DIAPH2: variants seen among roughly 807,000 people sequenced by gnomAD.
DIAPH2 encodes the protein diaphanous related formin 2, also known as protein diaphanous homolog 2.
DIAPH2 carries 35 observed loss-of-function variants against 92.7 expected under a neutral mutation model. The observed-to-expected ratio is 0.38, with a 90% CI of 0.29 to 0.50. The LOEUF (loss-of-function observed/expected upper bound fraction) is 0.50. Among genes scored for constraint, DIAPH2 ranks in the 20% least tolerant of loss-of-function variants. The pLI, the probability that DIAPH2 is intolerant of heterozygous loss-of-function variation, is 0.94. For synonymous variants in DIAPH2, 301 were observed against 280.4 expected (o/e 1.07, Z -0.73); for missense variants, 701 against 819.5 (o/e 0.86, Z 1.77).
intron 5 of DIAPH2, chrX:96,884,911 A>G: frequency 8.3e-7 from 1 of 1,211,354 alleles, no homozygotes; most frequent in Non-Finnish European, 1.1e-6. Flanking sequence ...CCGCAATTTC[A>G]TCCAGGACGA....
chrX:96,804,535 G>T (rs758917059), intron 4 of DIAPH2, among the ~76,000 whole-genome samples: 1 of 111,311 alleles, frequency 9.0e-6, no homozygotes, highest in Non-Finnish European at 1.9e-5. Context: ...TTTATATAAC[G>T]CTTATTAGGA....
intron 26 of DIAPH2, among the ~76,000 whole-genome samples, chrX:97,571,286 A>G (rs1466543614): frequency 1.8e-5 from 2 of 111,964 alleles, no homozygotes; most frequent in Non-Finnish European, 3.8e-5. Flanking sequence ...AATTGCACAC[A>G]TTAACCTAAA....
intron 3 of DIAPH2, among the ~76,000 whole-genome samples, chrX:96,754,414 C>A (rs901474935): frequency 8.9e-6 from 1 of 111,991 alleles, no homozygotes. Flanking sequence ...CCAGATTAGA[C>A]AGCCTAGCAT....
At chrX:97,125,471 C>CAAAAAAAAAAAAAAAAA (rs1159049051) in intron 21 of DIAPH2, among the ~76,000 whole-genome samples, 3 of 19,204 alleles carry the variant, frequency 1.6e-4, no homozygotes, top group Non-Finnish European at 2.0e-4. Flanking sequence ...GACTCCGTCT[C>CAAAAAAAAAAAAAAAAA]AAAAAAAAAA....
chrX:97,530,965 C>T (rs1488670736), intron 26 of DIAPH2, among the ~76,000 whole-genome samples: 1 of 110,757 alleles, frequency 9.0e-6, no homozygotes, highest in East Asian at 2.8e-4. Context: ...ATAGGTAGAT[C>T]GTTGGTGAGT....
At chrX:97,325,734 C>T (rs1019908635) in intron 23 of DIAPH2, among the ~76,000 whole-genome samples, 2 of 110,530 alleles carry the variant, frequency 1.8e-5, no homozygotes, top group South Asian at 3.8e-4. Flanking sequence ...CCCGCCACCG[C>T]GCCCAGCTAA....
At chrX:97,194,298 T>A (rs771300955) in intron 22 of DIAPH2, among the ~76,000 whole-genome samples, 28 of 109,006 alleles carry the variant, frequency 2.6e-4, no homozygotes, top group African/African-American at 9.3e-4. Flanking sequence ...TTTTTTTTTT[T>A]TTTGACGGAG....
At chrX:97,188,017 T>G (rs961693646) in intron 22 of DIAPH2, among the ~76,000 whole-genome samples, 1 of 111,773 alleles carries the variant, frequency 8.9e-6, no homozygotes, top group Non-Finnish European at 1.9e-5. Context: ...AGCATGTAGT[T>G]AGAAGTTTTA....
At chrX:97,200,723 C>T (rs947413057) in intron 22 of DIAPH2, among the ~76,000 whole-genome samples, 2 of 111,720 alleles carry the variant, frequency 1.8e-5, no homozygotes, top group African/African-American at 6.5e-5. Context: ...CAGCTGCAGG[C>T]GCAGCTTCAG....
intron 17 of DIAPH2, among the ~76,000 whole-genome samples, chrX:97,036,121 A>C (rs1289853053): frequency 1.8e-5 from 2 of 111,726 alleles, no homozygotes; most frequent in Non-Finnish European, 3.8e-5. Flanking sequence ...GAAATTTAAC[A>C]TATGAAAACT....
In DIAPH2 at chrX:97,362,355, G is replaced by A. The variant is rs767213250; in HGVS notation, c.3009+14075G>A. ...CTCAGTATTATTTGAATTGTCAAAC[G>A]TTGCAAATTGGCAAAAGAAAAATAA... On this transcript the variant is annotated intron_variant, in intron 24 of 26. Coordinates refer to ENST00000324765, the MANE Select transcript of DIAPH2 (RefSeq NM_006729.5). Among the ~76,000 whole-genome samples the A allele has an allele frequency of 3.6e-5, 4 of 111,528 alleles. No homozygotes were observed. The East Asian group carries it at 8.3e-4, about 23-fold the overall frequency.
At chrX:97,467,153 CA>C (rs927728731) in intron 26 of DIAPH2, among the ~76,000 whole-genome samples, 2 of 111,609 alleles carry the variant, frequency 1.8e-5, no homozygotes, top group Admixed American at 1.9e-4. Context: ...TTTAGAGCAA[CA>C]AATGTTTTAT....
rs181515278 is a variant in DIAPH2, at chrX:96,962,789, G to A, written c.1936-2304G>A. On this transcript the variant is annotated intron_variant, in intron 16 of 26. Coordinates refer to ENST00000324765, the MANE Select transcript of DIAPH2 (RefSeq NM_006729.5). ...TATTGATAGGTGAGGAGTTATTCCT[G>A]TCATTTTGTTAATTGTTTTCTGTTC... 7.6e-4 allele frequency among the ~76,000 whole-genome samples: 83 copies of A among 109,347 alleles called. 1 individual carries two copies. The highest frequency in any genetic ancestry group is 2.7e-3 in the African/African-American group (81 of 30,018). 95.0% of individuals were successfully genotyped at this position (109,347 alleles called of 115,157 possible). A position where few individuals can be genotyped will look rare whatever the true frequency, so the allele number is the denominator to read the frequency against.
chrX:97,551,095 A>G (rs1313544500), intron 26 of DIAPH2, among the ~76,000 whole-genome samples: 1 of 110,870 alleles, frequency 9.0e-6, no homozygotes, highest in African/African-American at 3.3e-5. Context: ...TTATGTAAAC[A>G]TAGAAGGTGA....
intron 25 of DIAPH2, 74 bp downstream of exon 25, chrX:97,384,118 T>C (rs1401632741): frequency 4.4e-6 from 4 of 908,446 alleles, no homozygotes; most frequent in South Asian, 2.7e-5. Flanking sequence ...TTTTGGATTA[T>C]AAAGTAAATT....
chrX:97,429,978 G>A (rs1360936196), intron 26 of DIAPH2, among the ~76,000 whole-genome samples: 1 of 111,349 alleles, frequency 9.0e-6, no homozygotes, highest in African/African-American at 3.3e-5. Flanking sequence ...CAGAAACAAG[G>A]ACTCCCACTG....
intron 17 of DIAPH2, among the ~76,000 whole-genome samples, chrX:97,000,136 A>ATGTAT (rs1272833249): frequency 8.9e-6 from 1 of 112,248 alleles, no homozygotes; most frequent in Non-Finnish European, 1.9e-5. Flanking sequence ...TTATGAAACT[A>ATGTAT]TGTATTTATA....
intron 17 of DIAPH2, among the ~76,000 whole-genome samples, chrX:97,041,076 C>T (rs1326580988): frequency 9.0e-6 from 1 of 111,023 alleles, no homozygotes; most frequent in Non-Finnish European, 1.9e-5. Flanking sequence ...TTGACTTATC[C>T]TTTGATGACA....
intron 17 of DIAPH2, among the ~76,000 whole-genome samples, chrX:96,984,604 A>G (rs1438259245): frequency 9.0e-6 from 1 of 111,331 alleles, no homozygotes; most frequent in African/African-American, 3.3e-5. Flanking sequence ...TCAGGGTCCA[A>G]TGTCTCAGGA....
Sources: allele counts gnomAD v4.1 joint callset (sites outside exome capture counted in the v4.1 genomes callset), GRCh38; gene constraint gnomAD v4.1.1; transcripts MANE v1.5; gene names NCBI Gene and HGNC (gene_info 2026-07-23, HGNC 2026-07-21).